SKAP2: variants seen among roughly 807,000 people sequenced by gnomAD.
SKAP2 encodes the protein src kinase-associated phosphoprotein 2.
Under a neutral mutation model 54.9 loss-of-function variants are expected in SKAP2, and 28 were observed. The ratio of observed to expected loss-of-function variants is 0.51; its 90% CI spans 0.38 to 0.70. The LOEUF (loss-of-function observed/expected upper bound fraction) is 0.70. SKAP2 is among the 30% of genes least tolerant of loss of function. SKAP2 has a pLI of 0.00. For missense variants in SKAP2, 356 were observed against 424.1 expected (o/e 0.84, Z 1.41); for synonymous variants, 137 against 134.3 (o/e 1.02, Z -0.14).
At chr7:26,781,022 T>C (rs1029109479) in intron 4 of SKAP2, among the ~76,000 whole-genome samples, 9 of 152,300 alleles carry the variant, frequency 5.9e-5, no homozygotes, top group African/African-American at 2.2e-4. Context: ...TATTATAATG[T>C]TAACTTTATT....
intron 4 of SKAP2, among the ~76,000 whole-genome samples, chr7:26,781,857 C>G (rs1760680586): frequency 6.6e-6 from 1 of 152,122 alleles, no homozygotes; most frequent in Non-Finnish European, 1.5e-5. Flanking sequence ...GATCACTCTC[C>G]TCCACACTGT....
chr7:26,800,592 T>C (rs1356148646), intron 4 of SKAP2, among the ~76,000 whole-genome samples: 1 of 151,972 alleles, frequency 6.6e-6, no homozygotes, highest in Non-Finnish European at 1.5e-5. Context: ...TTAAACAAAA[T>C]TGACAAACCT....
At chr7:26,800,963 G>C (rs4722642) in intron 4 of SKAP2, among the ~76,000 whole-genome samples, 1 of 151,890 alleles carries the variant, frequency 6.6e-6, no homozygotes, top group Non-Finnish European at 1.5e-5. Flanking sequence ...CAAAAAAATA[G>C]AGCAGAACAG....
At chr7:26,786,865 C>T (rs779028291) in intron 4 of SKAP2, among the ~76,000 whole-genome samples, 3 of 152,096 alleles carry the variant, frequency 2.0e-5, no homozygotes, top group Non-Finnish European at 4.4e-5. Context: ...CTTAACTCTC[C>T]TCCTTCTACA....
intron 4 of SKAP2, among the ~76,000 whole-genome samples, chr7:26,836,499 AC>A (rs1167467100): frequency 6.6e-6 from 1 of 152,234 alleles, no homozygotes; most frequent in Non-Finnish European, 1.5e-5. Context: ...CAAGAAAAAA[AC>A]AAACAACCCC....
chr7:26,805,088 C>T (rs1225123695), intron 4 of SKAP2, among the ~76,000 whole-genome samples: 1 of 152,078 alleles, frequency 6.6e-6, no homozygotes, highest in Non-Finnish European at 1.5e-5. Context: ...TAAAGCTGGG[C>T]ATGGTGGTGA....
intron 4 of SKAP2, among the ~76,000 whole-genome samples, chr7:26,751,202 A>T (rs1246300139): frequency 6.6e-6 from 1 of 152,168 alleles, no homozygotes; most frequent in Non-Finnish European, 1.5e-5. Context: ...TAACAGGTAC[A>T]TAAACAGTTG....
chr7:26,831,297 G>C (rs1260545494), intron 4 of SKAP2, among the ~76,000 whole-genome samples: 1 of 152,048 alleles, frequency 6.6e-6, no homozygotes, highest in Non-Finnish European at 1.5e-5. Context: ...AGAAGTACAA[G>C]GGTTCAAGAA....
At chr7:26,663,508 C>A (rs1354335550), downstream of SKAP2, among the ~76,000 whole-genome samples, 1 of 152,098 alleles carries the variant, frequency 6.6e-6, no homozygotes, top group Admixed American at 6.6e-5. Context: ...AATAAAAATT[C>A]TTCTTAAACA....
intron 4 of SKAP2, among the ~76,000 whole-genome samples, chr7:26,822,602 G>A (rs536464770): frequency 8.5e-5 from 13 of 152,142 alleles, no homozygotes; most frequent in South Asian, 4.1e-4. Flanking sequence ...TGGGCTGGGC[G>A]TGGTGGCTCA....
chr7:26,764,848 G>A lies in SKAP2; in HGVS notation c.308-24884C>T, dbSNP rs559276173. 7.9e-5 allele frequency among the ~76,000 whole-genome samples: 12 copies of A among 152,182 alleles called. No homozygotes were observed. In the South Asian group the frequency reaches 2.3e-3, roughly 29 times the overall value. On this transcript the variant is annotated intron_variant, in intron 4 of 12. Coordinates refer to ENST00000345317, the MANE Select transcript of SKAP2 (RefSeq NM_003930.5). ...TTACAGGCGTGAGCCACGGCGCCTG[G>A]CTGTGCCACATTTTCTTTATCCAGT... is the stretch of plus-strand genomic sequence containing the variant.
intron 9 of SKAP2, among the ~76,000 whole-genome samples, chr7:26,717,538 A>AAAAAAAAAAAAAAAAAAAAAAC: frequency 7.0e-6 from 1 of 143,280 alleles, no homozygotes; most frequent in Non-Finnish European, 1.5e-5. Flanking sequence ...AAAAAAAAAA[A>AAAAAAAAAAAAAAAAAAAAAAC]AAAAGGGCCA....
At chr7:26,832,703 A>C (rs1000076035) in intron 4 of SKAP2, among the ~76,000 whole-genome samples, 3 of 152,212 alleles carry the variant, frequency 2.0e-5, no homozygotes, top group African/African-American at 7.2e-5. Context: ...GAAAAGGTAA[A>C]GAAAGTGGAC....
chr7:26,736,636 C>T (rs576187925), intron 6 of SKAP2, among the ~76,000 whole-genome samples: 11 of 152,328 alleles, frequency 7.2e-5, no homozygotes, highest in Non-Finnish European at 1.6e-4. Context: ...CTTCCCTCTA[C>T]GGATTGGCCT....
At chr7:26,717,297 A>C (rs1480423282) in intron 9 of SKAP2, among the ~76,000 whole-genome samples, 3 of 151,572 alleles carry the variant, frequency 2.0e-5, no homozygotes, top group African/African-American at 7.3e-5. Flanking sequence ...GATCGCTTGA[A>C]CTCAGAAGTT....
intron 3 of SKAP2, among the ~76,000 whole-genome samples, chr7:26,849,666 G>A (rs1361217064): frequency 2.9e-5 from 4 of 136,412 alleles, no homozygotes; most frequent in East Asian, 2.3e-4. Flanking sequence ...GCCTGGGTGC[G>A]ACAGAGTGAG....
intron 4 of SKAP2, among the ~76,000 whole-genome samples, chr7:26,743,340 C>T (rs1346495380): frequency 6.6e-6 from 1 of 152,054 alleles, no homozygotes; most frequent in Non-Finnish European, 1.5e-5. Context: ...TGAATGGATG[C>T]TAATGTAAAC....
At chr7:26,845,937 A>G (rs188579789) in intron 3 of SKAP2, among the ~76,000 whole-genome samples, 104 of 152,286 alleles carry the variant, frequency 6.8e-4, no homozygotes, top group South Asian at 1.7e-3. Context: ...ATCTCTAAAA[A>G]AAAATTTTTT....
rs1175248145 is a variant in SKAP2 at position 26,864,444 on chromosome 7, G to C, written c.-15C>G. ...GGGTTGGGCATGTTAGGGAGCGCAG[G>C]GCGTGCGGGGAAAGGACCTGCGCTG... On this transcript the variant is annotated 5_prime_UTR_variant, in exon 1 of 13. Transcript: ENST00000345317. 1 of 1,595,646 alleles carries C rather than the reference G, an allele frequency of 6.3e-7. No homozygotes were observed. The highest frequency in any genetic ancestry group is 1.3e-5 in the African/African-American group (1 of 74,074).
Sources: gnomAD v4.1 joint callset for allele counts (sites outside exome capture counted in the v4.1 genomes callset) on GRCh38, gnomAD v4.1.1 for gene constraint, MANE v1.5 for transcripts, NCBI Gene and HGNC (gene_info 2026-07-23, HGNC 2026-07-21) for gene names.